Variants in XRCC4 observed in about 807,000 individuals in gnomAD.
XRCC4 encodes X-ray repair cross complementing 4.
XRCC4 carries 28 observed loss-of-function variants against 39.1 expected under a neutral mutation model. The ratio of observed to expected loss-of-function variants is 0.72; its 90% CI spans 0.53 to 0.98. The LOEUF is 0.98. Ranked by LOEUF, XRCC4 falls within the 50% of genes least tolerant of loss-of-function variation. The probability of loss-of-function intolerance (pLI) is 0.00; values close to 1 mark genes in which losing one functional copy is unlikely to be tolerated. For missense variants in XRCC4, 350 were observed against 376.4 expected, an observed-to-expected ratio of 0.93 and a Z score of 0.58; for synonymous variants, 123 against 126.4, an observed-to-expected ratio of 0.97 and a Z score of 0.18.
intron 6 of XRCC4, among the ~76,000 whole-genome samples, chr5:83,236,914 G>A (rs1358110484): frequency 6.6e-6 from 1 of 151,322 alleles, no homozygotes. Flanking sequence ...GATCTGAATA[G>A]CAATTTCTCA....
intron 7 of XRCC4, among the ~76,000 whole-genome samples, chr5:83,304,757 T>C (rs1755419169): frequency 6.6e-6 from 1 of 152,158 alleles, no homozygotes; most frequent in African/African-American, 2.4e-5. Flanking sequence ...TAGATAAGAC[T>C]GCAATCTAAT....
At chr5:83,271,340 C>T (rs1754139484) in intron 7 of XRCC4, among the ~76,000 whole-genome samples, 1 of 152,020 alleles carries the variant, frequency 6.6e-6, no homozygotes, top group Admixed American at 6.6e-5. Flanking sequence ...ATTATACGCC[C>T]ATTTGAATTA....
At chr5:83,297,658 T>C (rs1329885270) in intron 7 of XRCC4, among the ~76,000 whole-genome samples, 2 of 151,972 alleles carry the variant, frequency 1.3e-5, no homozygotes, top group African/African-American at 4.8e-5. Context: ...TAAGATTATA[T>C]AATGCTTTAA....
At chr5:83,255,994 T>G (rs1324913870) in intron 6 of XRCC4, among the ~76,000 whole-genome samples, 1 of 152,228 alleles carries the variant, frequency 6.6e-6, no homozygotes, top group Non-Finnish European at 1.5e-5. Context: ...TGTATAACAC[T>G]AGTACTTTTA....
At chr5:83,088,753 T>C (rs1745292208) in intron 1 of XRCC4, among the ~76,000 whole-genome samples, 1 of 152,212 alleles carries the variant, frequency 6.6e-6, no homozygotes, top group Non-Finnish European at 1.5e-5. Context: ...AGTTTGAAGA[T>C]TGTTGATGCA....
intron 3 of XRCC4, among the ~76,000 whole-genome samples, chr5:83,186,789 C>A: frequency 6.6e-6 from 1 of 152,110 alleles, no homozygotes; most frequent in Non-Finnish European, 1.5e-5. Flanking sequence ...TATTTTACTT[C>A]TGTGGCATAA....
At chr5:83,347,998 A>C (rs1234813871) in intron 7 of XRCC4, among the ~76,000 whole-genome samples, 1 of 152,194 alleles carries the variant, frequency 6.6e-6, no homozygotes, top group African/African-American at 2.4e-5. Flanking sequence ...CTCCCAGATA[A>C]TCTCCTTTGA....
intron 6 of XRCC4, among the ~76,000 whole-genome samples, chr5:83,210,068 C>T (rs146593286): frequency 1.3e-5 from 2 of 152,090 alleles, no homozygotes; most frequent in African/African-American, 4.8e-5. Context: ...TGGCTATGTC[C>T]AACAGTTGAT....
chr5:83,184,322 A>C (rs1750337715), intron 3 of XRCC4, among the ~76,000 whole-genome samples: 1 of 152,122 alleles, frequency 6.6e-6, no homozygotes, highest in Non-Finnish European at 1.5e-5. Flanking sequence ...AGTTTTTATG[A>C]AAATTTTTTT....
At chr5:83,083,403 G>A (rs893342174) in intron 1 of XRCC4, among the ~76,000 whole-genome samples, 2 of 142,900 alleles carry the variant, frequency 1.4e-5, no homozygotes, top group African/African-American at 2.8e-5. Context: ...TTGAGATGGA[G>A]TCTTGCTCCG....
At chr5:83,126,974 T>A (rs1048118322) in intron 3 of XRCC4, among the ~76,000 whole-genome samples, 3 of 152,176 alleles carry the variant, frequency 2.0e-5, no homozygotes, top group African/African-American at 7.2e-5. Context: ...ATACCTGTCT[T>A]ACGCCTGCAT....
downstream of XRCC4, among the ~76,000 whole-genome samples, chr5:83,357,777 T>G (rs999709708): frequency 3.3e-5 from 5 of 152,106 alleles, no homozygotes; most frequent in African/African-American, 1.2e-4. Context: ...TGTCCGGAAA[T>G]TGGAAAGGAA....
intron 1 of XRCC4, among the ~76,000 whole-genome samples, chr5:83,101,044 T>C (rs531129709): frequency 6.6e-6 from 1 of 152,088 alleles, no homozygotes; most frequent in African/African-American, 2.4e-5. Context: ...AACTTAAATA[T>C]ATTTAAAAAT....
At chr5:83,367,455 T>C in the XRCC4 span, among the ~76,000 whole-genome samples, 93 of 152,358 alleles carry the variant, frequency 6.1e-4, no homozygotes, top group African/African-American at 2.2e-3. Flanking sequence ...CATCGTTTAC[T>C]GTGTCAGCCA....
chr5:83,200,904 A>G (rs1751161883), intron 4 of XRCC4, among the ~76,000 whole-genome samples: 1 of 152,198 alleles, frequency 6.6e-6, no homozygotes, highest in Admixed American at 6.5e-5. Flanking sequence ...AATCTGAAAT[A>G]TAAATGTAGT....
chr5:83,196,360 C>T (rs983461466), intron 4 of XRCC4, among the ~76,000 whole-genome samples: 7 of 151,998 alleles, frequency 4.6e-5, no homozygotes, highest in Admixed American at 6.6e-5. Context: ...AGTGTTTTGG[C>T]TCCTAATAGA....
At chr5:83,195,686 T>C in intron 3 of XRCC4, 84 bp from the exon 4 acceptor site, 1 of 1,267,468 alleles carries the variant, frequency 7.9e-7, no homozygotes, top group Non-Finnish European at 1.1e-6. Flanking sequence ...TTTTTTATTC[T>C]CAGAAGAAAT....
intron 3 of XRCC4, among the ~76,000 whole-genome samples, chr5:83,136,051 T>G (rs1747882741): frequency 6.6e-6 from 1 of 152,232 alleles, no homozygotes; most frequent in Non-Finnish European, 1.5e-5. Context: ...ACAGTTATAC[T>G]TTTTGCTCAT....
intron 6 of XRCC4, among the ~76,000 whole-genome samples, chr5:83,239,075 C>A (rs1399941345): frequency 1.3e-5 from 2 of 152,140 alleles, no homozygotes; most frequent in Non-Finnish European, 2.9e-5. Context: ...GATGTAATTG[C>A]AGTGTAGAAG....
Sources: allele counts gnomAD v4.1 joint callset (sites outside exome capture counted in the v4.1 genomes callset), GRCh38; gene constraint gnomAD v4.1.1; transcripts MANE v1.5; gene names NCBI Gene and HGNC (gene_info 2026-07-23, HGNC 2026-07-21).